Variants in FAR2 observed in about 807,000 individuals in gnomAD.
The protein encoded by FAR2 is epididymis secretory protein Li 81.
A neutral mutation model predicts 56.0 loss-of-function variants in FAR2; 19 were observed. That is an observed-to-expected ratio of 0.34 (90% confidence interval 0.24 to 0.50). FAR2 has a LOEUF of 0.50. FAR2 is among the 20% of genes least tolerant of loss of function. The pLI, the probability that FAR2 is intolerant of heterozygous loss-of-function variation, is 0.98. For synonymous variants in FAR2, 219 were observed against 218.8 expected, an observed-to-expected ratio of 1.00 and a Z score of -0.01; for missense variants, 508 against 642.2, an observed-to-expected ratio of 0.79 and a Z score of 2.26.
chr12:29,154,297 T>C (rs879924890), intron 1 of FAR2, among the ~76,000 whole-genome samples: 4 of 147,890 alleles, frequency 2.7e-5, no homozygotes, highest in Admixed American at 1.3e-4. Context: ...CTGCAGTCTA[T>C]GAATTATTAT....
intron 1 of FAR2, among the ~76,000 whole-genome samples, chr12:29,236,304 C>A (rs977732163): frequency 3.3e-5 from 5 of 152,090 alleles, no homozygotes; most frequent in African/African-American, 1.2e-4. Flanking sequence ...GCAAGAATTA[C>A]CCTCAACCAT....
At chr12:29,168,057 T>A (rs1168126411) in intron 1 of FAR2, among the ~76,000 whole-genome samples, 1 of 152,194 alleles carries the variant, frequency 6.6e-6, no homozygotes, top group Non-Finnish European at 1.5e-5. Context: ...ATAGTTTTTT[T>A]ACGCAGGATT....
At chr12:29,314,509 T>A (rs1211297433) in intron 8 of FAR2, among the ~76,000 whole-genome samples, 1 of 151,260 alleles carries the variant, frequency 6.6e-6, no homozygotes, top group East Asian at 1.9e-4. Flanking sequence ...TTTAATGAGA[T>A]AAAGTGCTTA....
intron 8 of FAR2, among the ~76,000 whole-genome samples, chr12:29,315,261 C>G (rs1402640273): frequency 6.6e-6 from 1 of 152,112 alleles, no homozygotes; most frequent in Non-Finnish European, 1.5e-5. Flanking sequence ...ACAATAAGTG[C>G]TACAGCTCTT....
intron 1 of FAR2, among the ~76,000 whole-genome samples, chr12:29,227,913 T>C (rs995292820): frequency 2.6e-5 from 4 of 152,050 alleles, no homozygotes; most frequent in African/African-American, 9.7e-5. Context: ...TTTTCTCCTT[T>C]TAAGAAGTAA....
At chr12:29,300,123 T>C (rs1345819063) in intron 4 of FAR2, among the ~76,000 whole-genome samples, 1 of 152,216 alleles carries the variant, frequency 6.6e-6, no homozygotes, top group African/African-American at 2.4e-5. Flanking sequence ...TCATACTGTT[T>C]TGACTGTTTT....
At chr12:29,169,332 C>A (rs545270274) in intron 1 of FAR2, among the ~76,000 whole-genome samples, 1 of 152,246 alleles carries the variant, frequency 6.6e-6, no homozygotes, top group Admixed American at 6.5e-5. Flanking sequence ...TCCAGAGGTC[C>A]TTGGTAGAAG....
At chr12:29,170,653 C>G (rs1949876401) in intron 1 of FAR2, among the ~76,000 whole-genome samples, 2 of 152,038 alleles carry the variant, frequency 1.3e-5, no homozygotes, top group South Asian at 2.1e-4. Context: ...CTTTCTCTCT[C>G]TCTCTGACTC....
chr12:29,307,670 T>C lies in FAR2; in HGVS notation c.558T>C (p.Asp186=), dbSNP rs1949274196. 6.2e-7 allele frequency: 1 copy of C among 1,611,212 alleles called. No homozygotes were observed. Among genetic ancestry groups the C allele is most frequent in the Non-Finnish European group, 8.5e-7 (1 of 1,178,926 alleles). The stretch of plus-strand genomic sequence containing the variant: ...CTCTACCTTTTAGGTGGTTAGACGA[T>C]GCTATTATTGACGAGATTACACCCA... ...KIIDSLEWLD[D]AIIDEITPKL... is the part of the protein sequence containing the mutation. Residue 186 remains aspartate (D), a synonymous_variant, in exon 5 of 12, where the codon GAT becomes GAC. Coordinates refer to ENST00000536681, the MANE Select transcript of FAR2 (RefSeq NM_001271783.2).
At chr12:29,152,018 T>A (rs1216968131) in intron 1 of FAR2, 5 of 152,168 alleles carry the variant, frequency 3.3e-5, no homozygotes, top group Non-Finnish European at 5.9e-5. Context: ...ACCCTTATAG[T>A]TTGGTGGAAA....
Position 29,253,013 on chromosome 12 carries a change from T to A in FAR2, c.-38-17399T>A, listed in dbSNP as rs1414304240. 2.0e-5 allele frequency among the ~76,000 whole-genome samples: 3 copies of A among 152,210 alleles called. No homozygotes were observed. The East Asian group carries it at 5.8e-4, about 29-fold the overall frequency. ...AAGCCGTATGGAACAAAGACTCATC[T>A]TCCCAGAGCCAAAAGAAATTATACC... On this transcript the variant is annotated intron_variant, in intron 1 of 11. Transcript: ENST00000536681.
intron 1 of FAR2, among the ~76,000 whole-genome samples, chr12:29,194,312 G>T (rs1182983046): frequency 6.6e-6 from 1 of 152,094 alleles, no homozygotes; most frequent in Non-Finnish European, 1.5e-5. Context: ...GCATTGACTA[G>T]ATTCAATGGA....
chr12:29,311,664 T>A (rs921483113), intron 7 of FAR2, among the ~76,000 whole-genome samples: 5 of 76,102 alleles, frequency 6.6e-5, no homozygotes, highest in Non-Finnish European at 1.2e-4. Flanking sequence ...TTAACATCTC[T>A]TTCACACACA....
rs190980007 is a variant in FAR2 at position 29,214,082 on chromosome 12, T to C, written c.-38-56330T>C. Among the ~76,000 whole-genome samples the C allele has an allele frequency of 1.9e-3, 296 of 152,344 alleles. 2 individuals are homozygous for C. The highest frequency in any genetic ancestry group is 2.3e-3 in the Non-Finnish European group (154 of 68,030). The stretch of plus-strand genomic sequence containing the variant: ...GAGCACACTTGCAAATTTAAGCACA[T>C]TTCGTCATCCAAGTCATCAATTTTC... On this transcript the variant is annotated intron_variant, in intron 1 of 11. Coordinates refer to ENST00000536681, the MANE Select transcript of FAR2 (RefSeq NM_001271783.2).
At chr12:29,254,893 C>T (rs538917119) in intron 1 of FAR2, among the ~76,000 whole-genome samples, 1 of 149,080 alleles carries the variant, frequency 6.7e-6, no homozygotes, top group Non-Finnish European at 1.5e-5. Flanking sequence ...GCGGAGGTTG[C>T]AGTGAGTAGA....
At chr12:29,284,966 C>T (rs191768707) in intron 2 of FAR2, among the ~76,000 whole-genome samples, 4 of 152,112 alleles carry the variant, frequency 2.6e-5, no homozygotes, top group African/African-American at 2.4e-5. Flanking sequence ...CTTAGCCTCC[C>T]GAGTAGCTGG....
At chr12:29,156,271 G>A (rs1037356663) in intron 1 of FAR2, among the ~76,000 whole-genome samples, 2 of 152,160 alleles carry the variant, frequency 1.3e-5, no homozygotes, top group Non-Finnish European at 2.9e-5. Context: ...ATAAGTGATG[G>A]CTACTGTATC....
At chr12:29,282,032 G>A (rs1327512851) in intron 2 of FAR2, 1 of 152,174 alleles carries the variant, frequency 6.6e-6, no homozygotes, top group Non-Finnish European at 1.5e-5. Context: ...TTTTATGGGT[G>A]TATTCCCTTA....
chr12:29,324,165 G>A (rs1949603571), intron 10 of FAR2, among the ~76,000 whole-genome samples: 1 of 152,158 alleles, frequency 6.6e-6, no homozygotes, highest in South Asian at 2.1e-4. Flanking sequence ...AAGACGAAAT[G>A]AATGAAATGA....
Sources: allele counts gnomAD v4.1 joint callset (sites outside exome capture counted in the v4.1 genomes callset), GRCh38; gene constraint gnomAD v4.1.1; transcripts MANE v1.5; gene names NCBI Gene and HGNC (gene_info 2026-07-23, HGNC 2026-07-21).